WNK1: variants seen among roughly 807,000 people sequenced by gnomAD.
The protein encoded by WNK1 is serine/threonine-protein kinase WNK1.
WNK1 carries 38 observed loss-of-function variants against 222.8 expected under a neutral mutation model. The observed-to-expected ratio is 0.17, with a 90% CI of 0.13 to 0.22. The LOEUF (loss-of-function observed/expected upper bound fraction) is 0.22, where lower values mean the gene tolerates loss of function less well. Ranked by LOEUF, WNK1 falls within the 10% of genes least tolerant of loss-of-function variation. The pLI, the probability that WNK1 is intolerant of heterozygous loss-of-function variation, is 1.00. For synonymous variants in WNK1, 1,090 were observed against 1,092.9 expected (o/e 1.00, Z 0.05); for missense variants, 2,348 against 2,918.4 (o/e 0.80, Z 4.50).
intron 25 of WNK1, among the ~76,000 whole-genome samples, chr12:900,034 T>TC (rs1209602450): frequency 6.6e-6 from 1 of 150,526 alleles, no homozygotes; most frequent in Non-Finnish European, 1.5e-5. Flanking sequence ...TTTTTTTTTT[T>TC]TGAGTGCAGT....
At chr12:786,925 C>G (rs1436353658) in intron 1 of WNK1, among the ~76,000 whole-genome samples, 1 of 151,920 alleles carries the variant, frequency 6.6e-6, no homozygotes, top group Non-Finnish European at 1.5e-5. Flanking sequence ...TGGTCTTCTT[C>G]CTGCCTTCTA....
chr12:897,280 G>A (rs1249733790), intron 24 of WNK1, among the ~76,000 whole-genome samples, 199 bp from the exon 25 acceptor site: 3 of 152,144 alleles, frequency 2.0e-5, no homozygotes, highest in African/African-American at 7.2e-5. Context: ...TGTTGGCTAG[G>A]AGCTTGTTGG....
Position 900,665 on chromosome 12 carries a change from G to A in WNK1, c.6638G>A (p.Gly2213Asp). ...TCAGTACCAAGCCTTTCTGCTCCAG[G>A]TCAAGGTAATAAAGCAACCATCATC... ...AISVPSLSAP[G>D]QGTSSTNTVG... Residue 2213 changes from glycine (G) to aspartate (D), a missense_variant, in exon 26 of 28, where the codon GGT becomes GAT. Physicochemically the swap from Gly to Asp is moderately conservative, Grantham distance 94. Transcript: ENST00000315939. 1 of 1,614,164 alleles carries A rather than the reference G, an allele frequency of 6.2e-7. No individual in the cohort carries two copies. The highest frequency in any genetic ancestry group is 1.3e-5 in the African/African-American group (1 of 75,038).
intron 9 of WNK1, among the ~76,000 whole-genome samples, chr12:873,197 C>G (rs1592121041): frequency 6.6e-6 from 1 of 152,210 alleles, no homozygotes; most frequent in East Asian, 1.9e-4. Flanking sequence ...TCTGTTTTTT[C>G]TTTTCCAAAG....
intron 9 of WNK1, among the ~76,000 whole-genome samples, chr12:876,342 G>A (rs1952607979): frequency 6.6e-6 from 1 of 152,106 alleles, no homozygotes; most frequent in Admixed American, 6.6e-5. Context: ...CTGGGAGGCG[G>A]AACTTGCAGT....
At chr12:791,260 C>T (rs1406981142) in intron 1 of WNK1, among the ~76,000 whole-genome samples, 2 of 150,848 alleles carry the variant, frequency 1.3e-5, no homozygotes, top group Non-Finnish European at 3.0e-5. Context: ...CACACACATA[C>T]ACAAAATTAT....
rs71051382 is a variant in WNK1, at chr12:767,234, G to GTTTTTTTTTTT, written c.759+12935_759+12945dup. Among the ~76,000 whole-genome samples, 16 of 70,890 alleles carry GTTTTTTTTTTT rather than the reference G, an allele frequency of 2.3e-4. 1 individual carries two copies. Among genetic ancestry groups the GTTTTTTTTTTT allele is most frequent in the Middle Eastern group, 0.011 (1 of 94 alleles). The allele number at this position is 70,890 out of a possible 152,430, so 46.5% of individuals were successfully genotyped here. ...TGTGGCAGACTTTCTGGGTTGATAG[G>GTTTTTTTTTTT]TTTTTTTTTTTTTTTTTTTTTTTTT... On this transcript the variant is annotated intron_variant, in intron 1 of 27. Coordinates refer to ENST00000315939, the MANE Select transcript of WNK1 (RefSeq NM_018979.4).
At chr12:809,822 A>T (rs1946744155) in intron 1 of WNK1, among the ~76,000 whole-genome samples, 1 of 152,196 alleles carries the variant, frequency 6.6e-6, no homozygotes, top group South Asian at 2.1e-4. Flanking sequence ...TCTTTAAAAA[A>T]TTGTTTTCTC....
intron 5 of WNK1, among the ~76,000 whole-genome samples, chr12:857,731 C>T (rs952086165): frequency 2.6e-5 from 4 of 152,110 alleles, no homozygotes; most frequent in Non-Finnish European, 4.4e-5. Context: ...AGACTTGGCC[C>T]AGGGGTTGGA....
At chr12:858,013 A>G (rs1469301294) in intron 5 of WNK1, among the ~76,000 whole-genome samples, 1 of 152,228 alleles carries the variant, frequency 6.6e-6, no homozygotes, top group Non-Finnish European at 1.5e-5. Context: ...AAAGAATTCC[A>G]TCTTTTCACC....
At chr12:781,404 A>T (rs1175967628) in intron 1 of WNK1, 1 of 151,468 alleles carries the variant, frequency 6.6e-6, no homozygotes, top group Non-Finnish European at 1.5e-5. Flanking sequence ...ATTTGCCACA[A>T]AATGAAAATA....
intron 1 of WNK1, among the ~76,000 whole-genome samples, chr12:769,844 G>A (rs1942255564): frequency 6.6e-6 from 1 of 152,184 alleles, no homozygotes; most frequent in Non-Finnish European, 1.5e-5. Flanking sequence ...TTCTTGCCAC[G>A]TGCTCACATG....
intron 1 of WNK1, among the ~76,000 whole-genome samples, chr12:777,372 A>T (rs948488231): frequency 6.6e-6 from 1 of 151,800 alleles, no homozygotes; most frequent in African/African-American, 2.4e-5. Context: ...GTTGGCCAGG[A>T]TGGTCTCATT....
intron 4 of WNK1, among the ~76,000 whole-genome samples, chr12:852,313 G>C (rs1950477796): frequency 6.6e-6 from 1 of 152,076 alleles, no homozygotes; most frequent in African/African-American, 2.4e-5. Flanking sequence ...TAGAGTTACA[G>C]TTGTTCATTT....
intron 21 of WNK1, 135 bp downstream of exon 21, chr12:889,358 A>T (rs1953980502): frequency 1.3e-6 from 1 of 772,404 alleles, no homozygotes; most frequent in South Asian, 1.4e-5. Context: ...AGCCAAAAGA[A>T]ATGAGACTGA....
chr12:887,762 G>A (rs1953810898), intron 20 of WNK1, among the ~76,000 whole-genome samples: 1 of 152,176 alleles, frequency 6.6e-6, no homozygotes, highest in African/African-American at 2.4e-5. Context: ...TCTTTCACTA[G>A]CCACCTAATG....
At chr12:755,550 A>T (rs1343008642) in intron 1 of WNK1, among the ~76,000 whole-genome samples, 1 of 152,212 alleles carries the variant, frequency 6.6e-6, no homozygotes, top group Admixed American at 6.5e-5. Context: ...AATGATGTAG[A>T]ACTTCTAAGG....
At chr12:815,283 TA>T (rs1294135080) in intron 2 of WNK1, among the ~76,000 whole-genome samples, 1 of 152,234 alleles carries the variant, frequency 6.6e-6, no homozygotes, top group Non-Finnish European at 1.5e-5. Context: ...TGAAATTGGA[TA>T]TTTTTAAATT....
intron 22 of WNK1, among the ~76,000 whole-genome samples, chr12:891,729 A>G (rs1954261343): frequency 6.6e-6 from 1 of 151,024 alleles, no homozygotes; most frequent in Non-Finnish European, 1.5e-5. Context: ...GGGCAACACT[A>G]TTTTACAGTA....
Sources: gnomAD v4.1 joint callset for allele counts (sites outside exome capture counted in the v4.1 genomes callset) on GRCh38, gnomAD v4.1.1 for gene constraint, MANE v1.5 for transcripts, NCBI Gene and HGNC (gene_info 2026-07-23, HGNC 2026-07-21) for gene names.